Variants in GRID2IP observed in about 807,000 individuals in gnomAD.
The protein encoded by GRID2IP is delphilin.
A neutral mutation model predicts 114.3 loss-of-function variants in GRID2IP; 78 were observed. The observed-to-expected ratio is 0.68, with a 90% confidence interval of 0.57 to 0.82. The LOEUF (loss-of-function observed/expected upper bound fraction) is 0.82. Ranked by LOEUF, GRID2IP falls within the 40% of genes least tolerant of loss-of-function variation. The pLI is 0.00. For missense variants in GRID2IP, 1,727 were observed against 1,678.5 expected (o/e 1.03, Z -0.51); for synonymous variants, 809 against 724.0 (o/e 1.12, Z -1.89).
chr7:6,496,890 C>T lies in GRID2IP; in HGVS notation c.*884G>A, dbSNP rs55699366. ...GCTCCTGCTCCTGGTATCCAGGTAA[C>T]TCCTGCTATATGCCTAGGCACATGT... is the stretch of plus-strand genomic sequence containing the variant. On this transcript the variant is annotated 3_prime_UTR_variant, in exon 22 of 22. Transcript: ENST00000457091. 8.3e-3 allele frequency among the ~76,000 whole-genome samples: 1,269 copies of T among 152,240 alleles called. 15 individuals carry two copies. The highest frequency in any genetic ancestry group is 0.03 in the African/African-American group (1,231 of 41,556).
Position 6,506,930 on chromosome 7 carries a change from G to A in GRID2IP, c.2545-1023C>T, listed in dbSNP as rs183640122. Among the ~76,000 whole-genome samples, 18 of 152,098 alleles carry A rather than the reference G, an allele frequency of 1.2e-4. No homozygotes were observed. The highest frequency in any genetic ancestry group is 3.1e-4 in the African/African-American group (13 of 41,492). On this transcript the variant is annotated intron_variant, in intron 13 of 21. Transcript: ENST00000457091. This position sits in a 1 kb window ranked among gnomAD's most constrained non-coding sequence, Gnocchi z 5.2. ...ACTCTTAGGCTCAAGCAGTCCTCCC[G>A]CCTCAGCCTCCCAAAGTGCTGGGAT... is the stretch of plus-strand genomic sequence containing the variant.
In GRID2IP at chr7:6,509,250, TG is replaced by T. The variant is rs1786692585; in HGVS notation, c.1834del (p.His612ThrfsTer75). On this transcript the variant is annotated frameshift_variant, in exon 12 of 22. Coordinates refer to ENST00000457091, the MANE Select transcript of GRID2IP (RefSeq NM_001145118.2). LOFTEE classifies it high-confidence loss of function. The surrounding 1 kb of genome is among the most constrained non-coding windows in gnomAD (Gnocchi z 4.9). ...SERLLPSPCY[H>X]PLCSGGLASP... ...GGCCAGACCCCCCGAACACAGCGGG[TG>T]GTAGCAGGGGGAGGGCAAGAGTCGC... is the stretch of plus-strand genomic sequence containing the variant. The T allele has an allele frequency of 6.6e-7, 1 of 1,522,886 alleles. No individual in the cohort carries two copies. The highest frequency in any genetic ancestry group is 8.8e-7 in the Non-Finnish European group (1 of 1,133,308). The allele number at this position is 1,522,886 out of a possible 1,614,324, so 94.3% of individuals were successfully genotyped here.
At chr7:6,501,147 G>A (rs1039389709) in intron 20 of GRID2IP, among the ~76,000 whole-genome samples, 1 of 152,112 alleles carries the variant, frequency 6.6e-6, no homozygotes, top group Non-Finnish European at 1.5e-5. Flanking sequence ...GGTCAGGAGT[G>A]CAAGACCAGC....
chr7:6,529,958 TCTC>T (rs145353197), intron 2 of GRID2IP, among the ~76,000 whole-genome samples: 21,249 of 102,818 alleles, frequency 0.21, 1,795 homozygotes, highest in East Asian at 0.29. Context: ...TCTCTCTCTC[TCTC>T]TTTTTTTTTT....
intron 17 of GRID2IP, 42 bp downstream of exon 17, chr7:6,502,966 C>G: frequency 6.4e-7 from 1 of 1,550,560 alleles, no homozygotes; most frequent in Non-Finnish European, 8.7e-7. Flanking sequence ...CCCCAGGAGG[C>G]AGAGAAGCAG....
In GRID2IP at chr7:6,497,516, A is replaced by G; in HGVS notation, c.*258T>C. Reference sequence around the variant, plus strand: ...AGCGAAGTGGGAAGTGGGCCCAAGAAGCCGACAGAGCACGGTCCTCCATGT... The same window carrying G: ...AGCGAAGTGGGAAGTGGGCCCAAGAGGCCGACAGAGCACGGTCCTCCATGT... On this transcript the variant is annotated 3_prime_UTR_variant, in exon 22 of 22. Coordinates refer to ENST00000457091, the MANE Select transcript of GRID2IP (RefSeq NM_001145118.2). 1 of 373,538 alleles carries G rather than the reference A, an allele frequency of 2.7e-6. No homozygotes were observed. Among genetic ancestry groups the G allele is most frequent in the Non-Finnish European group, 4.8e-6 (1 of 207,980 alleles). The allele number at this position is 373,538 out of a possible 1,614,324, so 23.1% of individuals were successfully genotyped here.
At chr7:6,544,374 G>C (rs1364616684) in intron 1 of GRID2IP, among the ~76,000 whole-genome samples, 2 of 151,540 alleles carry the variant, frequency 1.3e-5, no homozygotes, top group East Asian at 2.0e-4. Flanking sequence ...CTGCCTCCCG[G>C]GTTCAAGCGA....
rs1786632220 is a variant in GRID2IP, at chr7:6,507,560, C to A, written c.2544+425G>T. Among the ~76,000 whole-genome samples the A allele has an allele frequency of 6.6e-6, 1 of 152,198 alleles. No individual in the cohort carries two copies. The highest frequency in any genetic ancestry group is 2.1e-4 in the South Asian group (1 of 4,828). On this transcript the variant is annotated intron_variant, in intron 13 of 21. Transcript: ENST00000457091. The surrounding 1 kb of genome is among the most constrained non-coding windows in gnomAD (Gnocchi z 5.3). The stretch of plus-strand genomic sequence containing the variant: ...AATCGTCCAGTGAGGAAAGGAAGAC[C>A]TTGACAGGTAGTGAGTTCCCCACCA...
Position 6,528,342 on chromosome 7 carries a change from T to C in GRID2IP, c.585-1573A>G, listed in dbSNP as rs915578898. On this transcript the variant is annotated intron_variant, in intron 2 of 21. Transcript: ENST00000457091. This position sits in a 1 kb window ranked among gnomAD's most constrained non-coding sequence, Gnocchi z 6.0. ...TGAGTAATGGCAGCAGTTAACATCC[T>C]GATGGACTCTCCGGTCTGTGGCAGA... Among the ~76,000 whole-genome samples, 2 of 152,190 alleles carry C rather than the reference T, an allele frequency of 1.3e-5. No homozygotes were observed. Among genetic ancestry groups the C allele is most frequent in the Non-Finnish European group, 2.9e-5 (2 of 68,046 alleles).
At chr7:6,546,284 C>A (rs1182322953) in intron 1 of GRID2IP, among the ~76,000 whole-genome samples, 1 of 150,804 alleles carries the variant, frequency 6.6e-6, no homozygotes, top group Non-Finnish European at 1.5e-5. Context: ...ATGGTGAAAC[C>A]CCATCTCTAC....
chr7:6,509,147 C>T lies in GRID2IP; in HGVS notation c.1938G>A (p.Gly646=), dbSNP rs974110978. Residue 646 remains glycine, a synonymous_variant, in exon 12 of 22, where the codon GGG becomes GGA. Coordinates refer to ENST00000457091, the MANE Select transcript of GRID2IP (RefSeq NM_001145118.2). The surrounding 1 kb of genome is among the most constrained non-coding windows in gnomAD (Gnocchi z 4.9). The part of the protein sequence containing the change: ...SRAPSPQPGP[G]PICPDSPPSP... Reference sequence around the variant, plus strand: ...TTGGGGGGCTGTCGGGGCAGATGGGCCCGGGGCCTGGCTGTGGGGAGGGTG... The same window carrying T: ...TTGGGGGGCTGTCGGGGCAGATGGGTCCGGGGCCTGGCTGTGGGGAGGGTG... 5.4e-6 allele frequency: 8 copies of T among 1,471,180 alleles called. No homozygotes were observed. The African/African-American group carries it at 1.1e-4, about 21-fold the overall frequency. The allele number at this position is 1,471,180 out of a possible 1,614,324, so 91.1% of individuals were successfully genotyped here. A position where few individuals can be genotyped will look rare whatever the true frequency, so the allele number is the denominator to read the frequency against.
chr7:6,518,872 G>A (rs1322150757), intron 7 of GRID2IP, among the ~76,000 whole-genome samples: 1 of 152,156 alleles, frequency 6.6e-6, no homozygotes, highest in Non-Finnish European at 1.5e-5. Context: ...ATAGTAATTG[G>A]TGAATAAGTT....
At chr7:6,502,431 G>A (rs1444186728) in intron 18 of GRID2IP, among the ~76,000 whole-genome samples, 1 of 152,092 alleles carries the variant, frequency 6.6e-6, no homozygotes, top group African/African-American at 2.4e-5. Context: ...GTCCAGGCTA[G>A]TCTCCAACTC....
chr7:6,504,440 G>A (rs1786515720), intron 15 of GRID2IP, among the ~76,000 whole-genome samples: 1 of 151,658 alleles, frequency 6.6e-6, no homozygotes, highest in African/African-American at 2.4e-5. Context: ...CGGTCTTTCA[G>A]CGACCGATTT....
intron 7 of GRID2IP, among the ~76,000 whole-genome samples, chr7:6,514,802 A>G (rs1443546224): frequency 1.3e-5 from 2 of 151,994 alleles, no homozygotes; most frequent in Non-Finnish European, 2.9e-5. Context: ...AAGTATAAAA[A>G]TTAGTCAGGT....
In GRID2IP at chr7:6,520,575, C is replaced by T; in HGVS notation, c.1268+3G>A. ...GGCCCCACCGCGGCTTTGGCCCGGC[C>T]ACCTGTGCTGGAAGAAGCTCTCGAG... On this transcript the variant is annotated splice_donor_region_variant and intron_variant, in intron 7 of 21. Transcript: ENST00000457091. The surrounding 1 kb of genome is among the most constrained non-coding windows in gnomAD (Gnocchi z 4.6). 4 of 1,549,428 alleles carry T rather than the reference C, an allele frequency of 2.6e-6. No homozygotes were observed. The highest frequency in any genetic ancestry group is 1.2e-5 in the South Asian group (1 of 84,008).
chr7:6,504,503 T>C (rs1369721576), intron 15 of GRID2IP, among the ~76,000 whole-genome samples: 1 of 145,098 alleles, frequency 6.9e-6, no homozygotes, highest in Non-Finnish European at 1.5e-5. Flanking sequence ...GGGTGGGGTC[T>C]ATGGGGGTCG....
intron 1 of GRID2IP, 128 bp from the exon 2 acceptor site, chr7:6,540,000 T>G: frequency 1.4e-6 from 1 of 695,914 alleles, no homozygotes; most frequent in South Asian, 1.9e-5. Flanking sequence ...ACCACCTGAG[T>G]GCTATGCCCA....
At chr7:6,548,909 G>T (rs1034322376) in intron 1 of GRID2IP, among the ~76,000 whole-genome samples, 3 of 152,050 alleles carry the variant, frequency 2.0e-5, no homozygotes, top group African/African-American at 7.2e-5. Context: ...GAGTTTCCAG[G>T]CTTCATGTCC....
Sources: allele counts gnomAD v4.1 joint callset (sites outside exome capture counted in the v4.1 genomes callset), GRCh38; gene constraint gnomAD v4.1.1; non-coding constraint Gnocchi (gnomAD v3.1); transcripts MANE v1.5; gene names NCBI Gene and HGNC (gene_info 2026-07-23, HGNC 2026-07-21).